The following RBMS3 variants were observed in gnomAD, a reference collection of about 807,000 sequenced individuals.
The protein encoded by RBMS3 is RNA binding motif single stranded interacting protein 3.
Under a neutral mutation model 66.8 loss-of-function variants are expected in RBMS3, and 27 were observed. The observed-to-expected ratio is 0.40, with a 90% confidence interval of 0.30 to 0.56. The LOEUF is 0.56. Among genes scored for constraint, RBMS3 ranks in the 20% least tolerant of loss-of-function variants. RBMS3 has a pLI of 0.40. For missense variants in RBMS3, 513 were observed against 549.5 expected, an observed-to-expected ratio of 0.93 and a Z score of 0.66; for synonymous variants, 188 against 183.0, an observed-to-expected ratio of 1.03 and a Z score of -0.22.
In RBMS3 at chr3:29,776,838, C is replaced by A. The variant is rs115032337; in HGVS notation, c.637+13849C>A. ...CTTCCATTTTGAGCCTTATGTACAG[C>A]TCATTCTAGAATGGTATCCATTAAA... On this transcript the variant is annotated intron_variant, in intron 6 of 14. Transcript: ENST00000383767. Among the ~76,000 whole-genome samples the A allele has an allele frequency of 1.2e-3, 190 of 152,024 alleles. 1 individual carries two copies. The highest frequency in any genetic ancestry group is 3.4e-3 in the Middle Eastern group (1 of 294).
intron 1 of RBMS3, among the ~76,000 whole-genome samples, chr3:29,284,625 T>G (rs2032120840): frequency 6.6e-6 from 1 of 152,104 alleles, no homozygotes; most frequent in South Asian, 2.1e-4. Context: ...TTCCATTGCA[T>G]TGGAATGAAT....
At chr3:29,775,535 T>A (rs924191314) in intron 6 of RBMS3, among the ~76,000 whole-genome samples, 103 of 151,822 alleles carry the variant, frequency 6.8e-4, no homozygotes, top group Non-Finnish European at 1.4e-3. Flanking sequence ...TTAGGGAGAG[T>A]TTAAGACTAA....
At chr3:29,897,903 C>T (rs925944920) in intron 9 of RBMS3, among the ~76,000 whole-genome samples, 3 of 151,562 alleles carry the variant, frequency 2.0e-5, no homozygotes, top group African/African-American at 4.8e-5. Context: ...CCTGGTAAAG[C>T]TACACAGATA....
chr3:29,340,551 C>T (rs757706809), intron 1 of RBMS3, among the ~76,000 whole-genome samples: 15 of 152,050 alleles, frequency 9.9e-5, no homozygotes, highest in African/African-American at 2.9e-4. Flanking sequence ...TTCTTTATAG[C>T]GTCAGTTCCA....
At chr3:29,870,207 A>G (rs1176236957) in intron 7 of RBMS3, among the ~76,000 whole-genome samples, 1 of 152,128 alleles carries the variant, frequency 6.6e-6, no homozygotes, top group East Asian at 1.9e-4. Flanking sequence ...GGGGTGATCC[A>G]TGTGTTTTTA....
chr3:29,450,058 C>T (rs2125757693), intron 2 of RBMS3, among the ~76,000 whole-genome samples: 1 of 152,184 alleles, frequency 6.6e-6, no homozygotes, highest in Middle Eastern at 3.4e-3. Flanking sequence ...AACCACAGCC[C>T]CCAAGCTAGT....
chr3:29,704,421 A>AC (rs66941505), intron 4 of RBMS3, among the ~76,000 whole-genome samples: 6,240 of 152,288 alleles, frequency 0.041, 146 homozygotes, highest in Admixed American at 0.073. Context: ...TTTGGCCCTT[A>AC]CACATTTCCA....
Position 29,870,710 on chromosome 3 carries a change from G to A in RBMS3, c.744+1746G>A, listed in dbSNP as rs541418015. On this transcript the variant is annotated intron_variant, in intron 7 of 14. Transcript: ENST00000383767. ...ACCCAGAGCACCTTATAATTTAAACGTAGGTTTTAAAGGTATATTCCTAAT... is the reference window on the plus strand; with the variant it reads ...ACCCAGAGCACCTTATAATTTAAACATAGGTTTTAAAGGTATATTCCTAAT... Among the ~76,000 whole-genome samples, 13 of 152,194 alleles carry A rather than the reference G, an allele frequency of 8.5e-5. No homozygotes were observed. In the South Asian group the frequency reaches 1.7e-3, roughly 19 times the overall value.
chr3:29,966,479 C>T (rs551061592), intron 12 of RBMS3, among the ~76,000 whole-genome samples: 3 of 151,918 alleles, frequency 2.0e-5, no homozygotes, highest in Non-Finnish European at 2.9e-5. Flanking sequence ...GTTGAGTTCT[C>T]GATTTGATTC....
intron 4 of RBMS3, among the ~76,000 whole-genome samples, chr3:29,598,254 G>T (rs2048024247): frequency 6.6e-6 from 1 of 151,968 alleles, no homozygotes; most frequent in South Asian, 2.1e-4. Flanking sequence ...TAAATTCCCA[G>T]AAAATATTGA....
intron 2 of RBMS3, 93 bp downstream of exon 2, chr3:29,435,008 G>A (rs2041345822): frequency 4.7e-6 from 6 of 1,271,036 alleles, no homozygotes; most frequent in Non-Finnish European, 2.2e-6. Flanking sequence ...CTCATCCACT[G>A]GTGTCTCAGT....
intron 3 of RBMS3, among the ~76,000 whole-genome samples, chr3:29,577,769 A>G (rs191745291): frequency 2.7e-3 from 407 of 152,234 alleles, no homozygotes; most frequent in Non-Finnish European, 4.1e-3. Context: ...TCTTTGCTGC[A>G]TGGCTCACTA....
At chr3:29,299,886 A>G (rs1052780771) in intron 1 of RBMS3, among the ~76,000 whole-genome samples, 2 of 151,860 alleles carry the variant, frequency 1.3e-5, no homozygotes, top group African/African-American at 4.8e-5. Context: ...ATGAAACATA[A>G]AAAGCTAACA....
intron 13 of RBMS3, among the ~76,000 whole-genome samples, chr3:29,990,728 A>C (rs1698804491): frequency 6.6e-6 from 1 of 152,180 alleles, no homozygotes; most frequent in Non-Finnish European, 1.5e-5. Context: ...ATGCCAGGAA[A>C]ATGTTTGGAC....
chr3:29,446,932 G>GAGAC (rs2041854265), intron 2 of RBMS3, among the ~76,000 whole-genome samples: 1 of 46,636 alleles, frequency 2.1e-5, no homozygotes, highest in African/African-American at 5.8e-5. Flanking sequence ...TTTTTTTTTG[G>GAGAC]AGACAGAGTA....
chr3:29,666,589 AGGG>A (rs1359080575), intron 4 of RBMS3, among the ~76,000 whole-genome samples: 2 of 151,644 alleles, frequency 1.3e-5, no homozygotes, highest in Non-Finnish European at 2.9e-5. Flanking sequence ...ACTTGAATGG[AGGG>A]AATGGCACAT....
At chr3:29,816,020 T>C (rs1464809590) in intron 6 of RBMS3, among the ~76,000 whole-genome samples, 1 of 152,156 alleles carries the variant, frequency 6.6e-6, no homozygotes, top group East Asian at 1.9e-4. Flanking sequence ...GTAGCAATTA[T>C]TGGCTACTTG....
chr3:29,752,669 G>T (rs944654447), intron 5 of RBMS3, among the ~76,000 whole-genome samples: 4 of 152,068 alleles, frequency 2.6e-5, no homozygotes, highest in Admixed American at 1.3e-4. Flanking sequence ...TGTATTAATA[G>T]CTTTATAAGG....
rs926771142 is a variant in RBMS3 at position 29,571,361 on chromosome 3, G to A, written c.308-15753G>A. ...CCATCTGTCCGTTTTTGCTTTGGTTGCCTGTGTTTCTCCAATGTTTTCTTT... is the reference window on the plus strand; with the variant it reads ...CCATCTGTCCGTTTTTGCTTTGGTTACCTGTGTTTCTCCAATGTTTTCTTT... On this transcript the variant is annotated intron_variant, in intron 3 of 14. Coordinates refer to ENST00000383767, the MANE Select transcript of RBMS3 (RefSeq NM_001003793.3). 2.0e-5 allele frequency among the ~76,000 whole-genome samples: 3 copies of A among 151,746 alleles called. No individual in the cohort carries two copies. In the South Asian group the frequency reaches 6.2e-4, roughly 32 times the overall value.
Sources: allele counts gnomAD v4.1 joint callset (sites outside exome capture counted in the v4.1 genomes callset), GRCh38; gene constraint gnomAD v4.1.1; transcripts MANE v1.5; gene names NCBI Gene and HGNC (gene_info 2026-07-23, HGNC 2026-07-21).